STK38L: variants seen among roughly 807,000 people sequenced by gnomAD.
STK38L encodes serine/threonine kinase 38 like, also known as serine/threonine-protein kinase 38-like.
STK38L carries 28 observed loss-of-function variants against 59.7 expected under a neutral mutation model. The ratio of observed to expected loss-of-function variants is 0.47; its 90% CI spans 0.35 to 0.64. The LOEUF (loss-of-function observed/expected upper bound fraction) is 0.64, where lower values mean the gene tolerates loss of function less well. Among genes scored for constraint, STK38L ranks in the 30% least tolerant of loss-of-function variants. STK38L has a pLI of 0.01. For synonymous variants in STK38L, 162 were observed against 176.8 expected (o/e 0.92, Z 0.66); for missense variants, 314 against 555.8 (o/e 0.56, Z 4.37).
At chr12:27,249,525 A>G (rs560615225) in intron 1 of STK38L, among the ~76,000 whole-genome samples, 1 of 152,246 alleles carries the variant, frequency 6.6e-6, no homozygotes, top group East Asian at 1.9e-4. Context: ...TTTAGTAGAG[A>G]TGGGGTTTCA....
intron 1 of STK38L, among the ~76,000 whole-genome samples, chr12:27,275,721 G>C (rs1051146170): frequency 2.6e-5 from 4 of 152,184 alleles, no homozygotes; most frequent in African/African-American, 7.2e-5. Context: ...CTGGCACATA[G>C]TATGCATTCC....
chr12:27,268,902 C>T (rs922921078), intron 1 of STK38L, among the ~76,000 whole-genome samples: 6 of 152,244 alleles, frequency 3.9e-5, no homozygotes, highest in Admixed American at 6.5e-5. Context: ...TGTCTTTTGG[C>T]TTCATAAATG....
At chr12:27,271,503 C>A (rs541775594) in intron 1 of STK38L, among the ~76,000 whole-genome samples, 1 of 152,230 alleles carries the variant, frequency 6.6e-6, no homozygotes, top group African/African-American at 2.4e-5. Flanking sequence ...GCTTGTAATT[C>A]AATTTCCTAT....
chr12:27,320,442 A>AT (rs34281958), intron 12 of STK38L, among the ~76,000 whole-genome samples: 48,405 of 92,046 alleles, frequency 0.53, 13,654 homozygotes, highest in Admixed American at 0.64. Flanking sequence ...AATTTTGTTG[A>AT]TTTTTTTTTT....
chr12:27,244,629 C>A (rs1942810221), intron 1 of STK38L, among the ~76,000 whole-genome samples: 1 of 152,186 alleles, frequency 6.6e-6, no homozygotes. Context: ...CGCTCCGGGT[C>A]CCCGCCTGGG....
chr12:27,277,997 T>C (rs1943573967), intron 1 of STK38L, among the ~76,000 whole-genome samples: 1 of 152,182 alleles, frequency 6.6e-6, no homozygotes, highest in Non-Finnish European at 1.5e-5. Context: ...GGAGGGACTT[T>C]TCAGGTCATG....
At chr12:27,266,076 T>C (rs1943295524) in intron 1 of STK38L, among the ~76,000 whole-genome samples, 1 of 152,234 alleles carries the variant, frequency 6.6e-6, no homozygotes, top group Admixed American at 6.5e-5. Context: ...TTGACTCTTT[T>C]CAAATAATAT....
chr12:27,272,621 T>G (rs1436644617), intron 1 of STK38L, among the ~76,000 whole-genome samples: 2 of 152,224 alleles, frequency 1.3e-5, no homozygotes, highest in African/African-American at 4.8e-5. Flanking sequence ...TGAGACTGGG[T>G]GCAACTTCCG....
chr12:27,320,927 T>C lies in STK38L; in HGVS notation c.1176-1216T>C, dbSNP rs565751954. Among the ~76,000 whole-genome samples, 28 of 152,152 alleles carry C rather than the reference T, an allele frequency of 1.8e-4. No individual in the cohort carries two copies. In the East Asian group the frequency reaches 5.2e-3, roughly 28 times the overall value. On this transcript the variant is annotated intron_variant, in intron 12 of 13. Coordinates refer to ENST00000389032, the MANE Select transcript of STK38L (RefSeq NM_015000.4). Reference sequence around the variant, plus strand: ...CCTAACTCTTAACCACTATGCTGTATAATACTATACACACATAACTTAATT... The same window carrying C: ...CCTAACTCTTAACCACTATGCTGTACAATACTATACACACATAACTTAATT...
At chr12:27,265,758 C>A (rs1187590372) in intron 1 of STK38L, among the ~76,000 whole-genome samples, 1 of 152,080 alleles carries the variant, frequency 6.6e-6, no homozygotes, top group Non-Finnish European at 1.5e-5. Flanking sequence ...ACAGGCATTC[C>A]TATTTCTGTC....
chr12:27,259,030 AT>A (rs1943148263), intron 1 of STK38L, among the ~76,000 whole-genome samples: 1 of 152,206 alleles, frequency 6.6e-6, no homozygotes, highest in Non-Finnish European at 1.5e-5. Flanking sequence ...CATCACATAG[AT>A]TTGTCTTATA....
At chr12:27,318,348 T>C (rs753394954) in intron 11 of STK38L, among the ~76,000 whole-genome samples, 12 of 152,182 alleles carry the variant, frequency 7.9e-5, no homozygotes, top group Non-Finnish European at 1.6e-4. Context: ...GAAAAGTATA[T>C]ATGTAAAATC....
At chr12:27,305,472 G>A (rs879672805) in intron 3 of STK38L, among the ~76,000 whole-genome samples, 1 of 152,140 alleles carries the variant, frequency 6.6e-6, no homozygotes, top group East Asian at 1.9e-4. Context: ...CTCCATGCTA[G>A]AGCCTGGATT....
Position 27,270,268 on chromosome 12 carries a change from T to G in STK38L, c.-12+25936T>G, listed in dbSNP as rs181722643. Among the ~76,000 whole-genome samples, 52 of 152,206 alleles carry G rather than the reference T, an allele frequency of 3.4e-4. 1 individual carries two copies. Among genetic ancestry groups the G allele is most frequent in the Admixed American group, 2.6e-3 (40 of 15,278 alleles). On this transcript the variant is annotated intron_variant, in intron 1 of 13. Coordinates refer to ENST00000389032, the MANE Select transcript of STK38L (RefSeq NM_015000.4). The stretch of plus-strand genomic sequence containing the variant: ...CATCACCCAGGCTGGAGGGCAGTTA[T>G]GTGATCACGGCTCACTGTAACCTGT...
chr12:27,276,099 A>C (rs1431242370), intron 1 of STK38L, among the ~76,000 whole-genome samples: 3 of 152,164 alleles, frequency 2.0e-5, no homozygotes, highest in African/African-American at 7.2e-5. Context: ...AAAAAACTTC[A>C]TTATGGAAAA....
intron 1 of STK38L, among the ~76,000 whole-genome samples, chr12:27,291,120 C>T (rs988216188): frequency 6.6e-5 from 10 of 152,054 alleles, no homozygotes; most frequent in African/African-American, 2.4e-4. Flanking sequence ...ATTCTGGGTA[C>T]TTGGGTAAAA....
chr12:27,302,768 C>T (rs1215874991), intron 3 of STK38L, among the ~76,000 whole-genome samples: 1 of 152,072 alleles, frequency 6.6e-6, no homozygotes, highest in Non-Finnish European at 1.5e-5. Context: ...CACCTGTAAT[C>T]CCAGCACTTT....
chr12:27,293,357 G>A (rs370969678), intron 1 of STK38L, among the ~76,000 whole-genome samples: 1 of 152,230 alleles, frequency 6.6e-6, no homozygotes, highest in East Asian at 1.9e-4. Flanking sequence ...ATAGCCATCA[G>A]CCTTGTGTGT....
chr12:27,306,295 A>G (rs1195616183), intron 3 of STK38L, among the ~76,000 whole-genome samples: 1 of 152,154 alleles, frequency 6.6e-6, no homozygotes, highest in East Asian at 1.9e-4. Flanking sequence ...GTACTGTTTT[A>G]TAATCTATAA....
Sources: gnomAD v4.1 joint callset for allele counts (sites outside exome capture counted in the v4.1 genomes callset) on GRCh38, gnomAD v4.1.1 for gene constraint, MANE v1.5 for transcripts, NCBI Gene and HGNC (gene_info 2026-07-23, HGNC 2026-07-21) for gene names.